PTPRG: variants seen among roughly 807,000 people sequenced by gnomAD.
PTPRG encodes the protein receptor-type tyrosine-protein phosphatase gamma.
Under a neutral mutation model 165.3 loss-of-function variants are expected in PTPRG, and 102 were observed. The ratio of observed to expected loss-of-function variants is 0.62; its 90% confidence interval spans 0.53 to 0.73. The LOEUF (loss-of-function observed/expected upper bound fraction) is 0.73. Among genes scored for constraint, PTPRG ranks in the 30% least tolerant of loss-of-function variants. The pLI is 0.00. For missense variants in PTPRG, 1,866 were observed against 1,861.4 expected, an observed-to-expected ratio of 1.00 and a Z score of -0.05; for synonymous variants, 675 against 669.5, an observed-to-expected ratio of 1.01 and a Z score of -0.13.
intron 1 of PTPRG, 27 bp downstream of exon 1, chr3:61,562,399 G>A: frequency 1.9e-6 from 3 of 1,607,432 alleles, no homozygotes; most frequent in Non-Finnish European, 2.6e-6. Flanking sequence ...GAGGGGATGC[G>A]GCCCCGGCCG....
At position 62,210,847 on chromosome 3, in the gene PTPRG, TA is replaced by T. The variant is rs1700342287; in HGVS notation, c.2155+6898del. 6.6e-6 allele frequency among the ~76,000 whole-genome samples: 1 copy of T among 152,228 alleles called. No homozygotes were observed. The highest frequency in any genetic ancestry group is 1.5e-5 in the Non-Finnish European group (1 of 68,042). Reference sequence around the variant, plus strand: ...AGAATATAGCATATAATACAAATAATATACAAATATGTGTTAACTATTTATG... The same window carrying T: ...AGAATATAGCATATAATACAAATAATTACAAATATGTGTTAACTATTTATG... On this transcript the variant is annotated intron_variant, in intron 12 of 29. Transcript: ENST00000474889. This position sits in a 1 kb window ranked among gnomAD's most constrained non-coding sequence, Gnocchi z 4.1.
chr3:62,022,204 A>G (rs1417124429), intron 4 of PTPRG, among the ~76,000 whole-genome samples: 2 of 152,154 alleles, frequency 1.3e-5, no homozygotes, highest in South Asian at 4.1e-4. Context: ...GTGTAGTACT[A>G]TGTATGTTAT....
chr3:62,148,500 C>G (rs1222274331), intron 6 of PTPRG, among the ~76,000 whole-genome samples: 1 of 152,202 alleles, frequency 6.6e-6, no homozygotes. Flanking sequence ...GTGCCCACGA[C>G]TATAATCCTA....
chr3:61,847,256 C>G (rs1304154635), intron 2 of PTPRG, among the ~76,000 whole-genome samples: 1 of 152,082 alleles, frequency 6.6e-6, no homozygotes, highest in Non-Finnish European at 1.5e-5. Flanking sequence ...GGGGAGAACA[C>G]CACACAAATG....
intron 8 of PTPRG, among the ~76,000 whole-genome samples, chr3:62,183,186 G>A (rs918831708): frequency 6.6e-6 from 1 of 152,204 alleles, no homozygotes; most frequent in South Asian, 2.1e-4. Flanking sequence ...CAGAATTCCC[G>A]TGAGGATTTG....
At chr3:62,073,481 T>C (rs1040753607) in intron 4 of PTPRG, among the ~76,000 whole-genome samples, 6 of 152,016 alleles carry the variant, frequency 3.9e-5, no homozygotes, top group East Asian at 1.9e-4. Flanking sequence ...GGAGAAGATA[T>C]AAATTTTTTT....
At chr3:62,235,924 C>G (rs762202899) in intron 14 of PTPRG, among the ~76,000 whole-genome samples, 12 of 152,172 alleles carry the variant, frequency 7.9e-5, no homozygotes, top group Non-Finnish European at 1.5e-4. Flanking sequence ...GGGACTTCCA[C>G]AGCCCTCATG....
At chr3:62,268,772 G>A (rs1423843850) in intron 19 of PTPRG, among the ~76,000 whole-genome samples, 2 of 152,042 alleles carry the variant, frequency 1.3e-5, no homozygotes, top group Admixed American at 6.6e-5. Context: ...GCATTATAAT[G>A]CAAAAATAAA....
chr3:62,084,612 G>T (rs1701684787), intron 5 of PTPRG, among the ~76,000 whole-genome samples: 1 of 152,142 alleles, frequency 6.6e-6, no homozygotes, highest in African/African-American at 2.4e-5. Context: ...CAGCACCTGG[G>T]ATTATTTATA....
chr3:62,124,547 C>T, intron 5 of PTPRG: 2 of 1,441,440 alleles, frequency 1.4e-6, no homozygotes, highest in Non-Finnish European at 9.8e-7. Context: ...CTGGGAGATG[C>T]CCAGGCGGTG....
At chr3:61,885,436 A>G (rs1020595288) in intron 2 of PTPRG, among the ~76,000 whole-genome samples, 22 of 151,310 alleles carry the variant, frequency 1.5e-4, no homozygotes, top group Non-Finnish European at 2.8e-4. Context: ...CTATTTGTAC[A>G]TATGCACATT....
chr3:62,168,260 G>A, intron 8 of PTPRG, 97 bp downstream of exon 8: 1 of 1,150,774 alleles, frequency 8.7e-7, no homozygotes, highest in East Asian at 2.5e-5. Context: ...ATTGGGACTT[G>A]GTGTTAAATG....
At chr3:61,689,198 A>AC (rs2029988360) in intron 1 of PTPRG, among the ~76,000 whole-genome samples, 1 of 152,256 alleles carries the variant, frequency 6.6e-6, no homozygotes, top group Admixed American at 6.5e-5. Flanking sequence ...AAGATCCCTA[A>AC]CACCAGCCAG....
At chr3:62,050,564 A>G (rs1274588740) in intron 4 of PTPRG, among the ~76,000 whole-genome samples, 1 of 152,206 alleles carries the variant, frequency 6.6e-6, no homozygotes, top group African/African-American at 2.4e-5. Flanking sequence ...CCGAGTGGCC[A>G]TGTTTTTTAA....
intron 2 of PTPRG, among the ~76,000 whole-genome samples, chr3:61,909,423 C>T (rs1029124068): frequency 6.6e-5 from 10 of 152,238 alleles, no homozygotes; most frequent in Middle Eastern, 3.4e-3. Context: ...GATCATGGCT[C>T]ACTGCAGCCT....
chr3:61,628,302 C>G (rs1020426184), intron 1 of PTPRG, among the ~76,000 whole-genome samples: 2 of 151,792 alleles, frequency 1.3e-5, no homozygotes, highest in African/African-American at 4.8e-5. Flanking sequence ...AACTTCTTAT[C>G]TATTTTTTCA....
At chr3:62,126,580 G>A (rs1703299735) in intron 5 of PTPRG, among the ~76,000 whole-genome samples, 1 of 152,200 alleles carries the variant, frequency 6.6e-6, no homozygotes, top group African/African-American at 2.4e-5. Context: ...GAAAATAGAT[G>A]ATGATACAGG....
rs539896267 is a variant in PTPRG at position 61,588,949 on chromosome 3, A to G, written c.85+26577A>G. Among the ~76,000 whole-genome samples, 38 of 152,224 alleles carry G rather than the reference A, an allele frequency of 2.5e-4. 1 individual carries two copies. Among genetic ancestry groups the G allele is most frequent in the Middle Eastern group, 3.4e-3 (1 of 294 alleles). On this transcript the variant is annotated intron_variant, in intron 1 of 29. Transcript: ENST00000474889. ...AGAATTCATAGCATGCTAAGTTGGG[A>G]TTTATTGATCTCTCCATAGCTTATA...
At chr3:62,033,718 C>T (rs1467099503) in intron 4 of PTPRG, among the ~76,000 whole-genome samples, 1 of 151,978 alleles carries the variant, frequency 6.6e-6, no homozygotes, top group Non-Finnish European at 1.5e-5. Flanking sequence ...AGTTTAGTAA[C>T]AACTACCATG....
Sources: gnomAD v4.1 joint callset for allele counts (sites outside exome capture counted in the v4.1 genomes callset) on GRCh38, gnomAD v4.1.1 for gene constraint, Gnocchi (gnomAD v3.1) non-coding constraint, MANE v1.5 for transcripts, NCBI Gene and HGNC (gene_info 2026-07-23, HGNC 2026-07-21) for gene names.